ZNF705G: variants seen among roughly 807,000 people sequenced by gnomAD.
ZNF705G encodes putative zinc finger protein 705G.
In ZNF705G, 23 loss-of-function variants were observed where a neutral mutation model predicts 19.6. That is an observed-to-expected ratio of 1.17 (90% CI 0.84 to 1.66). The LOEUF (loss-of-function observed/expected upper bound fraction) is 1.66, where lower values mean the gene tolerates loss of function less well. Among genes scored for constraint, ZNF705G ranks in the 40% most tolerant of loss-of-function variants. ZNF705G has a pLI of 0.00. For synonymous variants in ZNF705G, 146 were observed against 117.7 expected, an observed-to-expected ratio of 1.24 and a Z score of -1.56; for missense variants, 457 against 354.4, an observed-to-expected ratio of 1.29 and a Z score of -2.32.
intron 2 of ZNF705G, among the ~76,000 whole-genome samples, chr8:7,369,080 G>T (rs1162703993): frequency 6.7e-6 from 1 of 149,440 alleles, no homozygotes; most frequent in Non-Finnish European, 1.5e-5. Flanking sequence ...AGCAAAACTG[G>T]TTTCCCCTTA....
intron 2 of ZNF705G, among the ~76,000 whole-genome samples, chr8:7,366,652 T>G (rs1806870602): frequency 6.7e-6 from 1 of 149,672 alleles, no homozygotes; most frequent in Non-Finnish European, 1.5e-5. Flanking sequence ...ACAAATTATT[T>G]GCTGTACGTT....
intron 2 of ZNF705G, among the ~76,000 whole-genome samples, chr8:7,379,226 C>T (rs1444663643): frequency 6.8e-6 from 1 of 147,748 alleles, no homozygotes; most frequent in Non-Finnish European, 1.5e-5. Context: ...AAGTTCAAAA[C>T]ATTGGGTTCA....
chr8:7,381,935 T>C (rs1807516277), intron 1 of ZNF705G, among the ~76,000 whole-genome samples: 1 of 152,162 alleles, frequency 6.6e-6, no homozygotes, highest in South Asian at 2.1e-4. Flanking sequence ...AATGGATCTT[T>C]TTTGAAATAA....
chr8:7,382,504 A>T (rs965123467), intron 1 of ZNF705G, among the ~76,000 whole-genome samples: 2 of 146,502 alleles, frequency 1.4e-5, no homozygotes, highest in African/African-American at 5.5e-5. Context: ...TGCATCTATC[A>T]ACTTTCCTTT....
At chr8:7,362,837 A>T in intron 3 of ZNF705G, 98 bp downstream of exon 3, 1 of 1,584,994 alleles carries the variant, frequency 6.3e-7, no homozygotes, top group South Asian at 1.1e-5. Flanking sequence ...ACAAACAAAA[A>T]AAGAATAAAA....
At position 7,356,515 on chromosome 8, in the gene ZNF705G, G is replaced by C. The variant is rs1377395608; in HGVS notation, c.*1461C>G. The C allele has an allele frequency of 6.7e-6, 1 of 149,816 alleles. No individual in the cohort carries two copies. The highest frequency in any genetic ancestry group is 1.5e-5 in the Non-Finnish European group (1 of 68,064). 9.3% of individuals were successfully genotyped at this position (149,816 alleles called of 1,614,324 possible). On this transcript the variant is annotated 3_prime_UTR_variant, in exon 7 of 7. Transcript: ENST00000400156. ...GCATATACAAGGTGTCTTTGATACA[G>C]CCTCCATTTCCCTGCTAAATCTATG...
At chr8:7,367,588 A>G (rs950268802) in intron 2 of ZNF705G, among the ~76,000 whole-genome samples, 1 of 149,576 alleles carries the variant, frequency 6.7e-6, no homozygotes, top group Non-Finnish European at 1.5e-5. Context: ...AACTCTCCCT[A>G]AAGGACGAAT....
In ZNF705G at chr8:7,358,180, A is replaced by C; in HGVS notation, c.699T>G (p.Tyr233Ter). 6.2e-7 allele frequency: 1 copy of C among 1,607,582 alleles called. No individual in the cohort carries two copies. Among genetic ancestry groups the C allele is most frequent in the Non-Finnish European group, 8.5e-7 (1 of 1,179,620 alleles). The change falls in exon 7 of 7, where the codon TAT becomes TAG. Residue 233 changes from tyrosine (Y) to a stop codon, truncating the protein, a stop_gained. Coordinates refer to ENST00000400156, the MANE Select transcript of ZNF705G (RefSeq NM_001164457.3). LOFTEE classifies it high-confidence loss of function. ...TAAAGGATTGAATAAAGACTTTCCCATATTGATGACACTTATATGGTCTCT... is the reference window on the plus strand; with the variant it reads ...TAAAGGATTGAATAAAGACTTTCCCCTATTGATGACACTTATATGGTCTCT... ...TGQRPYKCHQYGKVFIQSFNL... is the reference protein window; with the variant it reads ...TGQRPYKCHQ
chr8:7,365,375 ATTTTTT>A (rs71253679), intron 2 of ZNF705G, among the ~76,000 whole-genome samples: 3 of 112,056 alleles, frequency 2.7e-5, no homozygotes, highest in Admixed American at 8.9e-5. Flanking sequence ...GTCTCTCTCT[ATTTTTT>A]TTTTTTTTTT....
At chr8:7,383,767 G>T (rs1170071719) in intron 1 of ZNF705G, among the ~76,000 whole-genome samples, 5 of 148,986 alleles carry the variant, frequency 3.4e-5, no homozygotes, top group Non-Finnish European at 7.4e-5. Flanking sequence ...ACAACACAGA[G>T]AAGGAAGCGA....
chr8:7,362,047 A>G (rs1806626494), intron 3 of ZNF705G, among the ~76,000 whole-genome samples: 2 of 149,476 alleles, frequency 1.3e-5, no homozygotes, highest in Non-Finnish European at 2.9e-5. Flanking sequence ...TCTCTCGGCA[A>G]TCCAAACATC....
intron 3 of ZNF705G, among the ~76,000 whole-genome samples, chr8:7,362,319 T>A (rs1806640156): frequency 6.7e-6 from 1 of 149,844 alleles, no homozygotes; most frequent in Non-Finnish European, 1.5e-5. Flanking sequence ...AGAATAATAA[T>A]GACTTCTTTA....
chr8:7,360,062 T>A (rs1806502178), intron 5 of ZNF705G, among the ~76,000 whole-genome samples, 175 bp downstream of exon 5: 1 of 149,270 alleles, frequency 6.7e-6, no homozygotes, highest in Admixed American at 6.6e-5. Context: ...GACACAAGAG[T>A]AGCATCTGAC....
At chr8:7,369,091 T>G (rs1362863810) in intron 2 of ZNF705G, among the ~76,000 whole-genome samples, 1 of 149,408 alleles carries the variant, frequency 6.7e-6, no homozygotes, top group Non-Finnish European at 1.5e-5. Context: ...TTTCCCCTTA[T>G]CAAACCATCA....
chr8:7,357,014 C>A lies in ZNF705G; in HGVS notation c.*962G>T, dbSNP rs1388735216. On this transcript the variant is annotated 3_prime_UTR_variant, in exon 7 of 7. Transcript: ENST00000400156. ...AGAGTTTTTTCTAGGGGTCCAACTT[C>A]TTGACTCACTTTTCTGATGAGAAAT... is the stretch of plus-strand genomic sequence containing the variant. 1 of 149,952 alleles carries A rather than the reference C, an allele frequency of 6.7e-6. No homozygotes were observed. Among genetic ancestry groups the A allele is most frequent in the East Asian group, 1.9e-4 (1 of 5,184 alleles). 9.3% of individuals were successfully genotyped at this position (149,952 alleles called of 1,614,324 possible). A position where few individuals can be genotyped will look rare whatever the true frequency, so the allele number is the denominator to read the frequency against.
intron 2 of ZNF705G, among the ~76,000 whole-genome samples, chr8:7,369,871 T>C (rs1310112480): frequency 6.7e-6 from 1 of 148,730 alleles, no homozygotes; most frequent in Non-Finnish European, 1.5e-5. Context: ...GAACAACAGA[T>C]ACTGGGAACT....
chr8:7,360,437 C>T (rs1806522716), intron 4 of ZNF705G, 105 bp from the exon 5 acceptor site: 1 of 1,538,198 alleles, frequency 6.5e-7, no homozygotes, highest in Non-Finnish European at 8.8e-7. Context: ...CAGTGAAGGT[C>T]AGCTCAGGCC....
rs1332633880 is a variant in ZNF705G at position 7,368,366 on chromosome 8, G to A, written c.-71-5349C>T. ...GTACTAGAAAGCATTCGCAGTCAAG[G>A]GATACAACAAGAAACCAGACAAACT... On this transcript the variant is annotated intron_variant, in intron 2 of 6. Transcript: ENST00000400156. Among the ~76,000 whole-genome samples, 65 of 149,324 alleles carry A rather than the reference G, an allele frequency of 4.4e-4. 1 individual carries two copies. The highest frequency in any genetic ancestry group is 1.0e-3 in the South Asian group (5 of 4,776).
At position 7,365,039 on chromosome 8, in the gene ZNF705G, A is replaced by G. The variant is rs1302794288; in HGVS notation, c.-71-2022T>C. Among the ~76,000 whole-genome samples, 6 of 149,784 alleles carry G rather than the reference A, an allele frequency of 4.0e-5. No individual in the cohort carries two copies. In the East Asian group the frequency reaches 1.2e-3, roughly 29 times the overall value. ...ATAACCCAAACATGAATGAAAAGTC[A>G]TTTAACTGGTCATATACAGACTGTG... is the stretch of plus-strand genomic sequence containing the variant. On this transcript the variant is annotated intron_variant, in intron 2 of 6. Transcript: ENST00000400156.
Sources: gnomAD v4.1 joint callset for allele counts (sites outside exome capture counted in the v4.1 genomes callset) on GRCh38, gnomAD v4.1.1 for gene constraint, MANE v1.5 for transcripts, NCBI Gene and HGNC (gene_info 2026-07-23, HGNC 2026-07-21) for gene names.